The following DEFB134 variants were observed in gnomAD, a reference collection of about 807,000 sequenced individuals.
The protein encoded by DEFB134 is beta-defensin 134.
DEFB134 carries 7 observed loss-of-function variants against 7.4 expected under a neutral mutation model. That is an observed-to-expected ratio of 0.95 (90% CI 0.54 to 1.79). The LOEUF (loss-of-function observed/expected upper bound fraction) is 1.79, where lower values mean the gene tolerates loss of function less well. Ranked by LOEUF, DEFB134 falls within the 40% of genes most tolerant of loss-of-function variation. DEFB134 has a pLI of 0.00. For synonymous variants in DEFB134, 33 were observed against 25.0 expected, an observed-to-expected ratio of 1.32 and a Z score of -0.96; for missense variants, 105 against 74.8, an observed-to-expected ratio of 1.40 and a Z score of -1.49.
At chr8:11,993,975 T>C (rs1198354144) in exon 2 of DEFB134, 2 of 1,610,962 alleles carry the variant, frequency 1.2e-6, no homozygotes. Context: ...CATTGGTTTC[T>C]TATGTCAGGG....
upstream of DEFB134, among the ~76,000 whole-genome samples, chr8:11,997,698 T>C (rs980987282): frequency 6.6e-6 from 1 of 152,146 alleles, no homozygotes; most frequent in African/African-American, 2.4e-5. Context: ...GCACCCAATA[T>C]TGGAGCACTG....
At chr8:11,997,249 G>C (rs1041947481), upstream of DEFB134, among the ~76,000 whole-genome samples, 1 of 152,138 alleles carries the variant, frequency 6.6e-6, no homozygotes, top group South Asian at 2.1e-4. Flanking sequence ...ATATGAATTA[G>C]TTGTTCATTC....
At chr8:11,997,259 C>G (rs556090167), upstream of DEFB134, among the ~76,000 whole-genome samples, 13 of 152,290 alleles carry the variant, frequency 8.5e-5, no homozygotes, top group African/African-American at 2.9e-4. Flanking sequence ...GTTGTTCATT[C>G]CTTTTCATTG....
chr8:11,999,577 C>T (rs972262744), upstream of DEFB134: 5 of 151,670 alleles, frequency 3.3e-5, no homozygotes, highest in African/African-American at 1.2e-4. Flanking sequence ...TGATAAGGAG[C>T]TCGTTCACTG....
At chr8:11,998,222 G>C (rs975190517), upstream of DEFB134, among the ~76,000 whole-genome samples, 3 of 152,088 alleles carry the variant, frequency 2.0e-5, no homozygotes, top group East Asian at 5.8e-4. Context: ...GTTAAGGAAG[G>C]TGGATCACTT....
At chr8:11,995,970 G>C (rs904306458) in intron 1 of DEFB134, among the ~76,000 whole-genome samples, 1 of 122,876 alleles carries the variant, frequency 8.1e-6, no homozygotes, top group African/African-American at 4.0e-5. Flanking sequence ...AAAAAAAAAA[G>C]GAAACTAAGG....
At chr8:11,995,372 T>C (rs534834468) in intron 1 of DEFB134, among the ~76,000 whole-genome samples, 30 of 152,326 alleles carry the variant, frequency 2.0e-4, no homozygotes, top group African/African-American at 7.2e-4. Flanking sequence ...TTCATTTGCC[T>C]GGAGAATACT....
rs1370629689 is a variant in DEFB134 at position 11,996,136 on chromosome 8, T to C, written c.58+58A>G. On this transcript the variant is annotated intron_variant, in intron 1 of 1. Transcript: ENST00000526438. ...GGTGGTGTATGTTTATTGGGTTGTT[T>C]AGTGGCATTGTTCTTCTATATGAAG... The C allele has an allele frequency of 2.5e-6, 4 of 1,596,640 alleles. No homozygotes were observed. The South Asian group carries it at 4.4e-5, about 18-fold the overall frequency.
intron 1 of DEFB134, among the ~76,000 whole-genome samples, chr8:11,995,309 A>T (rs1800088560): frequency 6.6e-6 from 1 of 152,200 alleles, no homozygotes; most frequent in Admixed American, 6.5e-5. Context: ...AGAGGCCTTG[A>T]TCCCATGAAT....
chr8:11,994,248 T>A, intron 1 of DEFB134, 126 bp from the exon 3 acceptor site: 1 of 1,203,166 alleles, frequency 8.3e-7, no homozygotes, highest in East Asian at 2.5e-5. Flanking sequence ...ATCCTGTAAC[T>A]GAAAAAATTA....
intron 1 of DEFB134, among the ~76,000 whole-genome samples, chr8:11,995,918 A>T (rs1057059056): frequency 6.7e-6 from 1 of 149,804 alleles, no homozygotes. Context: ...CCATTTTTCA[A>T]ATGAAGAAAC....
At chr8:11,998,487 T>C (rs927591310), upstream of DEFB134, among the ~76,000 whole-genome samples, 2 of 151,956 alleles carry the variant, frequency 1.3e-5, no homozygotes, top group Non-Finnish European at 2.9e-5. Context: ...GAGACGTTCA[T>C]TGAAACTGAT....
chr8:11,999,462 G>C (rs1800215025), upstream of DEFB134: 1 of 153,804 alleles, frequency 6.5e-6, no homozygotes, highest in Admixed American at 6.5e-5. Context: ...TTTAACCCAA[G>C]CAAAAATAAT....
At chr8:11,994,901 G>A (rs1477011365) in intron 1 of DEFB134, among the ~76,000 whole-genome samples, 1 of 152,168 alleles carries the variant, frequency 6.6e-6, no homozygotes, top group East Asian at 1.9e-4. Flanking sequence ...TGATGTATTT[G>A]CAATGTGGAA....
upstream of DEFB134, among the ~76,000 whole-genome samples, chr8:12,000,317 C>T (rs1800237486): frequency 6.6e-6 from 1 of 152,074 alleles, no homozygotes; most frequent in Non-Finnish European, 1.5e-5. Flanking sequence ...GAGTAGATTC[C>T]ATGACTGTCT....
At chr8:11,997,449 G>T (rs1163392090), upstream of DEFB134, among the ~76,000 whole-genome samples, 1 of 152,102 alleles carries the variant, frequency 6.6e-6, no homozygotes, top group Non-Finnish European at 1.5e-5. Flanking sequence ...TAGAAAGGCT[G>T]GGCCACAGCT....
upstream of DEFB134, among the ~76,000 whole-genome samples, chr8:11,997,491 T>C (rs2150560646): frequency 6.6e-6 from 1 of 152,270 alleles, no homozygotes; most frequent in Non-Finnish European, 1.5e-5. Context: ...TCACACGCAA[T>C]GACATTCATA....
exon 2 of DEFB134, chr8:11,994,014 A>T (rs764105335): frequency 1.5e-5 from 24 of 1,613,890 alleles, no homozygotes; most frequent in Non-Finnish European, 1.9e-5. Context: ...ACAGCACTCC[A>T]GCTGAAACAT....
upstream of DEFB134, among the ~76,000 whole-genome samples, chr8:11,996,865 G>C (rs536564156): frequency 7.9e-5 from 12 of 151,976 alleles, no homozygotes; most frequent in Non-Finnish European, 1.8e-4. Flanking sequence ...ACAATATTTT[G>C]TCAAGGTCAT....
Sources: gnomAD v4.1 joint callset for allele counts (sites outside exome capture counted in the v4.1 genomes callset) on GRCh38, gnomAD v4.1.1 for gene constraint, MANE v1.5 for transcripts, NCBI Gene and HGNC (gene_info 2026-07-23, HGNC 2026-07-21) for gene names.